ARHGAP24: variants seen among roughly 807,000 people sequenced by gnomAD.
ARHGAP24 encodes the protein Rho GTPase activating protein 24.
ARHGAP24 carries 50 observed loss-of-function variants against 76.4 expected under a neutral mutation model. The observed-to-expected ratio is 0.65, with a 90% CI of 0.52 to 0.83. The LOEUF (loss-of-function observed/expected upper bound fraction) is 0.83, where lower values mean the gene tolerates loss of function less well. Ranked by LOEUF, ARHGAP24 falls within the 40% of genes least tolerant of loss-of-function variation. The probability of loss-of-function intolerance (pLI) is 0.00; values close to 1 mark genes in which losing one functional copy is unlikely to be tolerated. For synonymous variants in ARHGAP24, 345 were observed against 323.3 expected (o/e 1.07, Z -0.72); for missense variants, 930 against 914.2 (o/e 1.02, Z -0.22).
At chr4:85,649,722 T>A (rs773231611) in intron 2 of ARHGAP24, among the ~76,000 whole-genome samples, 5 of 134,304 alleles carry the variant, frequency 3.7e-5, no homozygotes, top group Non-Finnish European at 5.9e-5. Context: ...CATGATGGAG[T>A]CTTCATCTTT....
At chr4:85,788,787 G>C (rs1727975878) in intron 3 of ARHGAP24, among the ~76,000 whole-genome samples, 2 of 152,150 alleles carry the variant, frequency 1.3e-5, no homozygotes. Context: ...AGCCCATACT[G>C]GTAATGAGTG....
intron 3 of ARHGAP24, among the ~76,000 whole-genome samples, chr4:85,869,716 G>T (rs75230571): frequency 0.016 from 2,438 of 152,184 alleles, 21 homozygotes; most frequent in African/African-American, 0.033. Flanking sequence ...TTAACAAAAT[G>T]ATCTTGTTAA....
chr4:85,524,562 A>G (rs1724909727), intron 1 of ARHGAP24, among the ~76,000 whole-genome samples: 1 of 152,184 alleles, frequency 6.6e-6, no homozygotes, highest in African/African-American at 2.4e-5. Context: ...TTCCTATTTT[A>G]CATTTGGGGA....
At chr4:85,765,339 C>T (rs1312945711) in intron 3 of ARHGAP24, among the ~76,000 whole-genome samples, 3 of 152,002 alleles carry the variant, frequency 2.0e-5, no homozygotes, top group Non-Finnish European at 4.4e-5. Context: ...TTTGTTTTAA[C>T]TGATTCATAC....
chr4:85,680,483 A>C (rs1213330649), intron 2 of ARHGAP24, among the ~76,000 whole-genome samples: 1 of 152,102 alleles, frequency 6.6e-6, no homozygotes, highest in Non-Finnish European at 1.5e-5. Context: ...CTCTAATTTA[A>C]ATTTTGATGA....
At chr4:85,827,000 G>A (rs989808291) in intron 3 of ARHGAP24, among the ~76,000 whole-genome samples, 1 of 152,114 alleles carries the variant, frequency 6.6e-6, no homozygotes, top group Admixed American at 6.5e-5. Flanking sequence ...CAAAATATGA[G>A]AAATAAAAAC....
chr4:85,945,054 C>T (rs1737171753), intron 5 of ARHGAP24, among the ~76,000 whole-genome samples: 1 of 152,134 alleles, frequency 6.6e-6, no homozygotes, highest in African/African-American at 2.4e-5. Context: ...CCATGTTGGT[C>T]AGGCTGGTCT....
chr4:85,768,798 A>G (rs1009147796), intron 3 of ARHGAP24, among the ~76,000 whole-genome samples: 6 of 152,102 alleles, frequency 3.9e-5, no homozygotes, highest in South Asian at 4.1e-4. Flanking sequence ...GATAGACACA[A>G]CTAAAGATGA....
At chr4:85,695,666 TTGA>T (rs1723840445) in intron 2 of ARHGAP24, among the ~76,000 whole-genome samples, 1 of 152,192 alleles carries the variant, frequency 6.6e-6, no homozygotes, top group Non-Finnish European at 1.5e-5. Flanking sequence ...CCTAAGTCAC[TTGA>T]TGAGTTATAA....
intron 2 of ARHGAP24, among the ~76,000 whole-genome samples, chr4:85,593,197 A>G (rs1207833261): frequency 6.6e-6 from 1 of 152,140 alleles, no homozygotes; most frequent in African/African-American, 2.4e-5. Context: ...TACTTCTCTG[A>G]TGATCAATGA....
intron 3 of ARHGAP24, among the ~76,000 whole-genome samples, chr4:85,731,634 T>C (rs989484824): frequency 6.6e-6 from 1 of 152,302 alleles, no homozygotes; most frequent in Middle Eastern, 3.4e-3. Flanking sequence ...ATTTTAAAAG[T>C]AGACAACATT....
chr4:85,960,120 C>A (rs1336901768), intron 5 of ARHGAP24, among the ~76,000 whole-genome samples: 5 of 152,280 alleles, frequency 3.3e-5, no homozygotes, highest in South Asian at 4.1e-4. Context: ...AATACTTCAA[C>A]AATCTTATAT....
At chr4:85,949,098 T>A (rs1737453866) in intron 5 of ARHGAP24, among the ~76,000 whole-genome samples, 1 of 152,126 alleles carries the variant, frequency 6.6e-6, no homozygotes, top group Non-Finnish European at 1.5e-5. Context: ...CAGTCGATAG[T>A]CTTGTTAATT....
At chr4:85,704,459 C>T (rs1724221604) in intron 2 of ARHGAP24, among the ~76,000 whole-genome samples, 1 of 151,910 alleles carries the variant, frequency 6.6e-6, no homozygotes, top group South Asian at 2.1e-4. Flanking sequence ...GGAATGGAGG[C>T]CATCAAAAAA....
chr4:85,644,634 C>T (rs996778561), intron 2 of ARHGAP24, among the ~76,000 whole-genome samples: 9 of 151,972 alleles, frequency 5.9e-5, no homozygotes, highest in African/African-American at 2.2e-4. Flanking sequence ...GTTAAGATTA[C>T]AAGGATAAGA....
chr4:85,567,693 G>A (rs985383353), intron 1 of ARHGAP24, among the ~76,000 whole-genome samples: 2 of 152,150 alleles, frequency 1.3e-5, no homozygotes, highest in African/African-American at 4.8e-5. Context: ...TTACAGAGAT[G>A]ATAGATTTCA....
chr4:85,856,471 C>CTT (rs3029091), intron 3 of ARHGAP24, among the ~76,000 whole-genome samples: 58,703 of 128,082 alleles, frequency 0.46, 14,984 homozygotes, highest in East Asian at 0.83. Context: ...GGAAATTACT[C>CTT]TTTTTTTTTT....
At chr4:85,688,967 G>T (rs1723532511) in intron 2 of ARHGAP24, among the ~76,000 whole-genome samples, 2 of 152,180 alleles carry the variant, frequency 1.3e-5, no homozygotes, top group Admixed American at 6.5e-5. Context: ...AGTATAATTT[G>T]AAGTTGGGTA....
chr4:85,720,577 G>A (rs370053367), intron 2 of ARHGAP24, among the ~76,000 whole-genome samples: 8 of 152,280 alleles, frequency 5.3e-5, no homozygotes, highest in East Asian at 3.9e-4. Context: ...CTGAAGCTCA[G>A]AGTGTCCTAG....
Sources: gnomAD v4.1 joint callset for allele counts (sites outside exome capture counted in the v4.1 genomes callset) on GRCh38, gnomAD v4.1.1 for gene constraint, MANE v1.5 for transcripts, NCBI Gene and HGNC (gene_info 2026-07-23, HGNC 2026-07-21) for gene names.